Variants in PGRMC2 observed in about 807,000 individuals in gnomAD.
The protein encoded by PGRMC2 is membrane-associated progesterone receptor component 2.
Under a neutral mutation model 19.3 loss-of-function variants are expected in PGRMC2, and 9 were observed. That is an observed-to-expected ratio of 0.47 (90% CI 0.28 to 0.81). The LOEUF (loss-of-function observed/expected upper bound fraction) is 0.81. PGRMC2 is among the 40% of genes least tolerant of loss of function. The probability of loss-of-function intolerance (pLI) is 0.11; values close to 1 mark genes in which losing one functional copy is unlikely to be tolerated. For synonymous variants in PGRMC2, 157 were observed against 124.6 expected, an observed-to-expected ratio of 1.26 and a Z score of -1.73; for missense variants, 289 against 297.3, an observed-to-expected ratio of 0.97 and a Z score of 0.21.
At chr4:128,278,272 G>C (rs561901196) in intron 1 of PGRMC2, among the ~76,000 whole-genome samples, 5 of 152,296 alleles carry the variant, frequency 3.3e-5, no homozygotes, top group Admixed American at 6.5e-5. Context: ...TTATTCCCCT[G>C]TTGGGGAAAC....
chr4:128,277,874 C>T (rs981404040), intron 1 of PGRMC2, among the ~76,000 whole-genome samples: 1 of 152,206 alleles, frequency 6.6e-6, no homozygotes, highest in Non-Finnish European at 1.5e-5. Context: ...TCTCGATTTC[C>T]ATAGTCCTTA....
At chr4:128,284,911 C>G (rs1212554039) in intron 1 of PGRMC2, among the ~76,000 whole-genome samples, 1 of 152,174 alleles carries the variant, frequency 6.6e-6, no homozygotes, top group Non-Finnish European at 1.5e-5. Flanking sequence ...ATAAAATGAT[C>G]TGGCTTTCTT....
At chr4:128,275,657 A>G (rs1200426291) in intron 1 of PGRMC2, among the ~76,000 whole-genome samples, 2 of 152,218 alleles carry the variant, frequency 1.3e-5, no homozygotes, top group African/African-American at 4.8e-5. Flanking sequence ...CTCAGGAAGC[A>G]TTTAACTTCT....
intron 1 of PGRMC2, among the ~76,000 whole-genome samples, chr4:128,280,094 C>T (rs1760884448): frequency 6.6e-6 from 1 of 151,830 alleles, no homozygotes; most frequent in Non-Finnish European, 1.5e-5. Context: ...AAAGTAACTA[C>T]TGAAGATAAT....
At position 128,272,383 on chromosome 4, in the gene PGRMC2, C is replaced by A; in HGVS notation, c.553G>T (p.Glu185Ter). The change falls in exon 2 of 3, where the codon GAA becomes TAA. Residue 185 changes from glutamate (E) to a stop codon, truncating the protein, a stop_gained. Coordinates refer to ENST00000296425, the MANE Select transcript of PGRMC2 (RefSeq NM_006320.6). LOFTEE classifies it high-confidence loss of function. The stretch of plus-strand genomic sequence containing the variant: ...ATACCTTTAAACTGCATTTCCCATT[C>A]TCGAACACTCTCCATTTGTACTGCA... ...LNAVQMESVR[E>*]WEMQFKEKYD... 6.6e-7 allele frequency: 1 copy of A among 1,524,848 alleles called. No individual in the cohort carries two copies. The highest frequency in any genetic ancestry group is 1.3e-5 in the South Asian group (1 of 75,374). The allele number at this position is 1,524,848 out of a possible 1,614,324, so 94.5% of individuals were successfully genotyped here. A position where few individuals can be genotyped will look rare whatever the true frequency, so the allele number is the denominator to read the frequency against.
intron 1 of PGRMC2, among the ~76,000 whole-genome samples, chr4:128,281,626 T>C (rs1760911831): frequency 1.3e-5 from 2 of 152,256 alleles, no homozygotes; most frequent in South Asian, 2.1e-4. Context: ...TATACACTAA[T>C]TAAGCTATTA....
chr4:128,275,797 T>G (rs181065223), intron 1 of PGRMC2, among the ~76,000 whole-genome samples: 1 of 152,306 alleles, frequency 6.6e-6, no homozygotes, highest in East Asian at 1.9e-4. Flanking sequence ...TCAATCATAT[T>G]TCACTGTGGC....
Position 128,287,683 on chromosome 4 carries a change from T to A in PGRMC2, c.108A>T (p.Glu36Asp). 6.5e-7 allele frequency: 1 copy of A among 1,527,502 alleles called. No individual in the cohort carries two copies. Among genetic ancestry groups the A allele is most frequent in the African/African-American group, 1.4e-5 (1 of 72,046 alleles). 94.6% of individuals were successfully genotyped at this position (1,527,502 alleles called of 1,614,324 possible). Reference sequence around the variant, plus strand: ...ACGCCGCCGCCGCCCAGCCTCCCCCTTCCGCTGCCGCTCCCGCGTCGCCTG... The same window carrying A: ...ACGCCGCCGCCGCCCAGCCTCCCCCATCCGCTGCCGCTCCCGCGTCGCCTG... Reference protein sequence around the residue: ...ESPGDAGAAAEGGGWAAAALA... With the variant: ...ESPGDAGAAADGGGWAAAALA... The change falls in exon 1 of 3, where the codon GAA becomes GAT. Residue 36 changes from glutamate to aspartate, a missense_variant. Physicochemically the swap from Glu to Asp is conservative, Grantham distance 45. Transcript: ENST00000296425.
At chr4:128,277,467 T>TA (rs1216002494) in intron 1 of PGRMC2, among the ~76,000 whole-genome samples, 24 of 152,332 alleles carry the variant, frequency 1.6e-4, no homozygotes, top group African/African-American at 5.5e-4. Context: ...ATTTTGTGAT[T>TA]ATTAGGATGA....
intron 1 of PGRMC2, among the ~76,000 whole-genome samples, chr4:128,280,724 A>G (rs1426539706): frequency 6.6e-6 from 1 of 152,088 alleles, no homozygotes; most frequent in Non-Finnish European, 1.5e-5. Context: ...CAGACTCTTG[A>G]GTAGCTGGGG....
At chr4:128,276,089 G>C (rs899814586) in intron 1 of PGRMC2, among the ~76,000 whole-genome samples, 1 of 152,166 alleles carries the variant, frequency 6.6e-6, no homozygotes, top group African/African-American at 2.4e-5. Context: ...GGGTTATTCT[G>C]AGGAAGGATT....
chr4:128,274,140 G>T lies in PGRMC2; in HGVS notation c.419-1623C>A, dbSNP rs1760770905. Among the ~76,000 whole-genome samples the T allele has an allele frequency of 2.0e-5, 3 of 152,214 alleles. No homozygotes were observed. The South Asian group carries it at 6.2e-4, about 32-fold the overall frequency. On this transcript the variant is annotated intron_variant, in intron 1 of 2. Transcript: ENST00000296425. ...GCTACCATTTTATACTTTCAAATGT[G>T]TCTTCTATATAAGAATATGGAACAC...
chr4:128,272,065 T>C (rs1037946119), intron 2 of PGRMC2, among the ~76,000 whole-genome samples: 3 of 152,222 alleles, frequency 2.0e-5, no homozygotes, highest in African/African-American at 7.2e-5. Context: ...AAAATAATTA[T>C]CACATGTAAC....
intron 1 of PGRMC2, chr4:128,286,540 C>G (rs1760985887): frequency 2.5e-6 from 1 of 396,834 alleles, no homozygotes; most frequent in Non-Finnish European, 4.4e-6. Flanking sequence ...CTCCTTAGTT[C>G]TGCTAAGTGA....
At chr4:128,276,740 A>G (rs1000126285) in intron 1 of PGRMC2, among the ~76,000 whole-genome samples, 20 of 152,374 alleles carry the variant, frequency 1.3e-4, no homozygotes, top group Middle Eastern at 3.4e-3. Context: ...GCTTTATCAA[A>G]TATTAAAATA....
chr4:128,276,743 T>C (rs932911299), intron 1 of PGRMC2, among the ~76,000 whole-genome samples: 7 of 152,320 alleles, frequency 4.6e-5, no homozygotes, highest in African/African-American at 1.7e-4. Flanking sequence ...TTATCAAATA[T>C]TAAAATATAA....
In PGRMC2 at chr4:128,272,421, A is replaced by G; in HGVS notation, c.515T>C (p.Leu172Pro). 6.3e-7 allele frequency: 1 copy of G among 1,591,034 alleles called. No homozygotes were observed. Among genetic ancestry groups the G allele is most frequent in the Non-Finnish European group, 8.5e-7 (1 of 1,169,774 alleles). ...KDALRDEYDD[L>P]SDLNAVQMES... ...CATTTGTACTGCATTCAAATCTGAG[A>G]GATCATCATATTCATCTCTAAGTGC... The change falls in exon 2 of 3, where the codon CTC becomes CCC. Residue 172 changes from leucine to proline, a missense_variant. Coordinates refer to ENST00000296425, the MANE Select transcript of PGRMC2 (RefSeq NM_006320.6).
At chr4:128,286,822 G>A (rs866938803) in intron 1 of PGRMC2, 1 of 388,206 alleles carries the variant, frequency 2.6e-6, no homozygotes, top group Non-Finnish European at 4.5e-6. Context: ...GACTTTACAT[G>A]CCCCTAAACG....
At chr4:128,281,164 T>C (rs555143798) in intron 1 of PGRMC2, among the ~76,000 whole-genome samples, 76 of 152,300 alleles carry the variant, frequency 5.0e-4, no homozygotes, top group Non-Finnish European at 8.1e-4. Context: ...TAAAGTCTAA[T>C]AGTGATACTG....
Sources: gnomAD v4.1 joint callset for allele counts (sites outside exome capture counted in the v4.1 genomes callset) on GRCh38, gnomAD v4.1.1 for gene constraint, MANE v1.5 for transcripts, NCBI Gene and HGNC (gene_info 2026-07-23, HGNC 2026-07-21) for gene names.